The following RPL3 variants were observed in gnomAD, a reference collection of about 807,000 sequenced individuals.
The protein encoded by RPL3 is ribosomal protein L3, also known as large ribosomal subunit protein uL3.
Under a neutral mutation model 46.0 loss-of-function variants are expected in RPL3, and 3 were observed. That is an observed-to-expected ratio of 0.07 (90% CI 0.03 to 0.17). The LOEUF (loss-of-function observed/expected upper bound fraction) is 0.17. Ranked by LOEUF, RPL3 falls within the 10% of genes least tolerant of loss-of-function variation. The pLI, the probability that RPL3 is intolerant of heterozygous loss-of-function variation, is 1.00. For missense variants in RPL3, 387 were observed against 532.7 expected (o/e 0.73, Z 2.69); for synonymous variants, 224 against 190.8 (o/e 1.17, Z -1.43).
chr22:39,315,126 A>T lies in RPL3; in HGVS notation c.688+243T>A, dbSNP rs909420923. 2.5e-5 allele frequency: 20 copies of T among 787,720 alleles called. No individual in the cohort carries two copies. In the African/African-American group the frequency reaches 2.7e-4, roughly 11 times the overall value. 48.8% of individuals were successfully genotyped at this position (787,720 alleles called of 1,614,324 possible). ...TTCCAAGCTCCCCTTTGCAGTTATC[A>T]GTAGGCTACAAAGAGCAAAGGGTCC... On this transcript the variant is annotated intron_variant, in intron 5 of 9. Transcript: ENST00000216146.
At chr22:39,316,653 T>C (rs1922712062) in intron 4 of RPL3, 53 bp downstream of exon 4, 14 of 1,609,610 alleles carry the variant, frequency 8.7e-6, no homozygotes, top group South Asian at 4.4e-5. Context: ...CATGATCACA[T>C]AGGTCACTTC....
intron 2 of RPL3, 102 bp downstream of exon 2, chr22:39,318,298 T>TA (rs200859496): frequency 4.7e-3 from 5,197 of 1,113,652 alleles, no homozygotes; most frequent in Non-Finnish European, 5.4e-3. Context: ...AACTCCTGCT[T>TA]AAAAAAAAAA....
In RPL3 at chr22:39,312,883, G is replaced by A. The variant is rs1922445847; in HGVS notation, c.*57C>T. The stretch of plus-strand genomic sequence containing the variant: ...TCTCTCCTGAAGAAAGAGGCAAGAT[G>A]TCAGTGGAAAATAACTTTTATTGAG... On this transcript the variant is annotated 3_prime_UTR_variant, in exon 10 of 10. Coordinates refer to ENST00000216146, the MANE Select transcript of RPL3 (RefSeq NM_000967.4). 1.2e-6 allele frequency: 2 copies of A among 1,604,860 alleles called. No homozygotes were observed. Among genetic ancestry groups the A allele is most frequent in the South Asian group, 1.1e-5 (1 of 90,844 alleles).
chr22:39,316,536 G>A (rs969344801), intron 4 of RPL3, among the ~76,000 whole-genome samples, 170 bp downstream of exon 4: 1 of 152,236 alleles, frequency 6.6e-6, no homozygotes, highest in Non-Finnish European at 1.5e-5. Flanking sequence ...TGAGTCACCA[G>A]TTGAATTTTA....
In RPL3 at chr22:39,318,448, T is replaced by C. The variant is rs1922841361; in HGVS notation, c.148A>G (p.Lys50Glu). 2 of 1,614,040 alleles carry C rather than the reference T, an allele frequency of 1.2e-6. No individual in the cohort carries two copies. The highest frequency in any genetic ancestry group is 1.1e-5 in the South Asian group (1 of 91,084). The stretch of plus-strand genomic sequence containing the variant: ...CGCACGATGTGAGTCATGCCAGCCT[T>C]GTATCCCAGGAAGGCTGTGAGGTGG... ...PVHLTAFLGY[K>E]AGMTHIVREV... The change falls in exon 2 of 10, where the codon AAG becomes GAG. Residue 50 changes from lysine to glutamate, a missense_variant. Physicochemically the swap from Lys to Glu is moderately conservative, Grantham distance 56. Around this residue, in one of 5 missense-constraint regions of RPL3, gnomAD observed 196 missense variants for 217.5 expected, o/e 0.90. Transcript: ENST00000216146.
intron 2 of RPL3, 159 bp downstream of exon 2, chr22:39,318,241 A>G: frequency 1.5e-6 from 1 of 686,972 alleles, no homozygotes. Context: ...ATTAGTTTTC[A>G]AGTTAAGCAT....
chr22:39,313,833 G>T, intron 7 of RPL3, 104 bp from the exon 8 acceptor site: 1 of 1,097,982 alleles, frequency 9.1e-7, no homozygotes, highest in Non-Finnish European at 1.4e-6. Context: ...TTCTCAGAAG[G>T]AAGGCAACAA....
intron 8 of RPL3, 63 bp downstream of exon 8, chr22:39,313,571 G>A (rs575563934): frequency 3.4e-5 from 51 of 1,502,100 alleles, no homozygotes; most frequent in Admixed American, 2.9e-4. Flanking sequence ...GGCCACCAGC[G>A]TCTGTGGCCT....
chr22:39,319,094 C>G (rs1482700396), intron 1 of RPL3: 2 of 538,062 alleles, frequency 3.7e-6, no homozygotes, highest in Non-Finnish European at 7.6e-6. Context: ...GTCCGCCCGT[C>G]AATAAGTTCA....
Position 39,316,709 on chromosome 22 carries a change from G to A in RPL3, c.498C>T (p.Thr166=), listed in dbSNP as rs761544652. The part of the protein sequence containing the change: ...YCQVIRVIAH[T]QMRLLPLRQK... The stretch of plus-strand genomic sequence containing the variant: ...CACCCCGGGGCACTGGGCTCACCTG[G>A]GTGTGGGCAATGACACGGATGACTT... The change falls in exon 4 of 10, where the codon ACC becomes ACT. Residue 166 remains threonine (T), a synonymous_variant. Transcript: ENST00000216146. The A allele has an allele frequency of 2.5e-6, 4 of 1,612,270 alleles. No individual in the cohort carries two copies. Among genetic ancestry groups the A allele is most frequent in the East Asian group, 2.2e-5 (1 of 44,894 alleles).
rs80306585 is a variant in RPL3 at position 39,314,443 on chromosome 22, G to A, written c.850-235C>T. On this transcript the variant is annotated intron_variant, in intron 6 of 9. Transcript: ENST00000216146. ...ACAGGCCTGTCACCCCCCTGGTGGT[G>A]GCATCAGGGACCAATAAGACTAGTA... is the stretch of plus-strand genomic sequence containing the variant. The A allele has an allele frequency of 3.4e-3, 2,124 of 625,954 alleles. 43 individuals are homozygous for A. In the African/African-American group the frequency reaches 0.036, roughly 11 times the overall value. The allele number at this position is 625,954 out of a possible 1,614,324, so 38.8% of individuals were successfully genotyped here.
intron 7 of RPL3, 186 bp downstream of exon 7, chr22:39,313,921 G>T (rs1283249921): frequency 2.4e-6 from 2 of 833,118 alleles, no homozygotes; most frequent in Admixed American, 3.4e-5. Context: ...CTGAGCCTGA[G>T]ACCCCACTTC....
In RPL3 at chr22:39,316,744, T is replaced by C. The variant is rs1367883623; in HGVS notation, c.463A>G (p.Lys155Glu). ...QLEKDFSSMKKYCQVIRVIAH... is the reference protein window; with the variant it reads ...QLEKDFSSMKEYCQVIRVIAH... ...ATGACACGGATGACTTGGCAGTACT[T>C]CTTCATGCTGCTGAAGTCCTTCTCC... The change falls in exon 4 of 10, where the codon AAG becomes GAG. Residue 155 changes from lysine (K) to glutamate (E), a missense_variant. By Grantham distance (56) the Lys-to-Glu change is moderately conservative. Around this residue, in one of 5 missense-constraint regions of RPL3, gnomAD observed 196 missense variants for 217.5 expected, o/e 0.90. Transcript: ENST00000216146. The C allele has an allele frequency of 2.5e-6, 4 of 1,613,074 alleles. No homozygotes were observed. The East Asian group carries it at 6.7e-5, about 27-fold the overall frequency.
chr22:39,314,732 C>T lies in RPL3; in HGVS notation c.803G>A (p.Arg268His). 2 of 1,613,698 alleles carry T rather than the reference C, an allele frequency of 1.2e-6. No individual in the cohort carries two copies. Among genetic ancestry groups the T allele is most frequent in the South Asian group, 1.1e-5 (1 of 91,060 alleles). ...HPARVAFSVA[R>H]AGQKGYHHRT... ...GTGATGGTAGCCTTTCTGCCCAGCGCGTGCCACAGAGAAGGCTACACGAGC... is the reference window on the plus strand; with the variant it reads ...GTGATGGTAGCCTTTCTGCCCAGCGTGTGCCACAGAGAAGGCTACACGAGC... Residue 268 changes from arginine to histidine, a missense_variant, in exon 6 of 10, where the codon CGC becomes CAC. Physicochemically the swap from Arg to His is conservative, Grantham distance 29 (BLOSUM62 0). Coordinates refer to ENST00000216146, the MANE Select transcript of RPL3 (RefSeq NM_000967.4).
intron 7 of RPL3, 90 bp from the exon 8 acceptor site, chr22:39,313,819 G>A (rs1221640700): frequency 8.3e-7 from 1 of 1,197,856 alleles, no homozygotes. Flanking sequence ...TGACCACAGG[G>A]CTGTTCTCAG....
In RPL3 at chr22:39,315,402, C is replaced by T. The variant is rs753846029; in HGVS notation, c.655G>A (p.Val219Ile). 17 of 1,614,008 alleles carry T rather than the reference C, an allele frequency of 1.1e-5. No homozygotes were observed. Among genetic ancestry groups the T allele is most frequent in the South Asian group, 6.6e-5 (6 of 91,084 alleles). Residue 219 changes from valine to isoleucine, a missense_variant, in exon 5 of 10, where the codon GTC becomes ATC. Around this residue, in one of 5 missense-constraint regions of RPL3, gnomAD observed 48 missense variants for 80.7 expected, o/e 0.60. Coordinates refer to ENST00000216146, the MANE Select transcript of RPL3 (RefSeq NM_000967.4). ...QVFGQDEMID[V>I]IGVTKGKGYK... ...CCTTTGCCCTTGGTCACCCCGATGA[C>T]GTCGATCATCTCATCCTGCCCAAAC...
intron 3 of RPL3, chr22:39,317,062 T>G (rs556335595): frequency 6.4e-5 from 43 of 671,362 alleles, no homozygotes; most frequent in Non-Finnish European, 9.9e-5. Context: ...TTACACGCAT[T>G]CAAACAAAAT....
chr22:39,313,822 G>A (rs778910818), intron 7 of RPL3, 93 bp from the exon 8 acceptor site: 2 of 1,164,788 alleles, frequency 1.7e-6, no homozygotes, highest in Non-Finnish European at 2.6e-6. Context: ...CCACAGGGCT[G>A]TTCTCAGAAG....
In RPL3 at chr22:39,317,362, T is replaced by A. The variant is rs1922765655; in HGVS notation, c.365+99A>T. On this transcript the variant is annotated intron_variant, in intron 3 of 9. Coordinates refer to ENST00000216146, the MANE Select transcript of RPL3 (RefSeq NM_000967.4). ...GGCAAACTAAACCCAAGACAGCAGC[T>A]CCCTGCCTGCTACAGAGCTGAGAAA... 5 of 1,370,044 alleles carry A rather than the reference T, an allele frequency of 3.6e-6. No individual in the cohort carries two copies. In the East Asian group the frequency reaches 9.3e-5, roughly 25 times the overall value. 84.9% of individuals were successfully genotyped at this position (1,370,044 alleles called of 1,614,324 possible).
Sources: allele counts gnomAD v4.1 joint callset (sites outside exome capture counted in the v4.1 genomes callset), GRCh38; gene constraint gnomAD v4.1.1; regional missense constraint gnomAD v4.1.1; transcripts MANE v1.5; gene names NCBI Gene and HGNC (gene_info 2026-07-23, HGNC 2026-07-21).